Variants in IQCM observed in about 807,000 individuals in gnomAD.
IQCM encodes IQ domain-containing protein M.
In IQCM, 45 loss-of-function variants were observed where a neutral mutation model predicts 57.6. The observed-to-expected ratio is 0.78, with a 90% CI of 0.62 to 1.00. IQCM has a LOEUF of 1.00. Among genes scored for constraint, IQCM ranks in the 50% least tolerant of loss-of-function variants. IQCM has a pLI of 0.00. For synonymous variants in IQCM, 148 were observed against 158.9 expected (o/e 0.93, Z 0.51); for missense variants, 468 against 511.6 (o/e 0.91, Z 0.82).
At chr4:149,657,998 C>T (rs1759789088) in intron 7 of IQCM, among the ~76,000 whole-genome samples, 1 of 151,712 alleles carries the variant, frequency 6.6e-6, no homozygotes, top group South Asian at 2.1e-4. Context: ...TTTTGTTTTG[C>T]TGTGGAAAAG....
chr4:149,423,962 C>T (rs188444123), intron 13 of IQCM, among the ~76,000 whole-genome samples: 1 of 151,838 alleles, frequency 6.6e-6, no homozygotes, highest in Non-Finnish European at 1.5e-5. Flanking sequence ...AACCCAGAGA[C>T]AGCAAATAAT....
intron 13 of IQCM, among the ~76,000 whole-genome samples, chr4:149,430,874 T>C (rs1224077310): frequency 6.6e-6 from 1 of 152,024 alleles, no homozygotes; most frequent in African/African-American, 2.4e-5. Flanking sequence ...AGAAGTGTAA[T>C]GCCTGGTTGT....
intron 9 of IQCM, among the ~76,000 whole-genome samples, chr4:149,586,443 A>G (rs1364091534): frequency 6.6e-6 from 1 of 151,590 alleles, no homozygotes; most frequent in Non-Finnish European, 1.5e-5. Flanking sequence ...AGGATATACA[A>G]TTATGCCCTC....
At chr4:149,383,463 C>A (rs1203536930) in intron 13 of IQCM, among the ~76,000 whole-genome samples, 3 of 152,070 alleles carry the variant, frequency 2.0e-5, no homozygotes, top group Non-Finnish European at 2.9e-5. Context: ...ATGCAATAAA[C>A]CACATTTAAC....
intron 7 of IQCM, among the ~76,000 whole-genome samples, chr4:149,670,275 G>A (rs542164639): frequency 2.6e-5 from 4 of 152,108 alleles, no homozygotes; most frequent in Non-Finnish European, 5.9e-5. Flanking sequence ...TTGGCTCTCT[G>A]TTTGTCTGTT....
intron 12 of IQCM, among the ~76,000 whole-genome samples, chr4:149,438,916 TACTTA>T (rs1388735420): frequency 2.6e-5 from 4 of 152,098 alleles, no homozygotes; most frequent in Admixed American, 1.3e-4. Flanking sequence ...ATACCAACAT[TACTTA>T]ACTTAAACAA....
At chr4:149,355,213 C>T (rs1175850893) in intron 13 of IQCM, among the ~76,000 whole-genome samples, 2 of 151,870 alleles carry the variant, frequency 1.3e-5, no homozygotes, top group Non-Finnish European at 2.9e-5. Flanking sequence ...CATAATATAT[C>T]TTTAATCTTT....
intron 13 of IQCM, among the ~76,000 whole-genome samples, chr4:149,356,453 T>G (rs574417222): frequency 2.0e-4 from 30 of 152,014 alleles, no homozygotes; most frequent in African/African-American, 6.3e-4. Context: ...AGTTTCAGCT[T>G]TCTACATATG....
intron 8 of IQCM, among the ~76,000 whole-genome samples, chr4:149,616,839 A>T (rs1327375249): frequency 2.0e-5 from 3 of 152,110 alleles, no homozygotes; most frequent in African/African-American, 4.8e-5. Flanking sequence ...CCACCATGGC[A>T]TACATATACC....
intron 11 of IQCM, among the ~76,000 whole-genome samples, chr4:149,551,530 A>G (rs1259232112): frequency 6.6e-6 from 1 of 152,176 alleles, no homozygotes; most frequent in Non-Finnish European, 1.5e-5. Flanking sequence ...TGAAGAGAAG[A>G]CTAATTGAGT....
At chr4:149,502,401 G>A (rs374571573) in intron 12 of IQCM, among the ~76,000 whole-genome samples, 37 of 152,236 alleles carry the variant, frequency 2.4e-4, no homozygotes, top group Non-Finnish European at 4.7e-4. Context: ...GCCTTTAAAG[G>A]CTCATGATTT....
At chr4:149,794,828 G>A (rs1772970373) in intron 2 of IQCM, among the ~76,000 whole-genome samples, 1 of 151,966 alleles carries the variant, frequency 6.6e-6, no homozygotes, top group South Asian at 2.1e-4. Flanking sequence ...TTGTTCTTTG[G>A]TAAATAATAT....
In IQCM at chr4:149,394,597, C is replaced by T. The variant is rs138100543; in HGVS notation, c.1390+38799G>A. Among the ~76,000 whole-genome samples, 306 of 151,978 alleles carry T rather than the reference C, an allele frequency of 2.0e-3. 2 individuals are homozygous for T. Among genetic ancestry groups the T allele is most frequent in the Middle Eastern group, 0.014 (4 of 294 alleles). On this transcript the variant is annotated intron_variant, in intron 13 of 13. Coordinates refer to ENST00000636793, the MANE Select transcript of IQCM (RefSeq NM_001363507.2). ...TCTCTTCTGATATAACCAGATGTCT[C>T]GATTTCCCTGGGGGTGAGGATCAGT...
At chr4:149,459,412 C>A (rs1738037754) in intron 12 of IQCM, among the ~76,000 whole-genome samples, 2 of 152,158 alleles carry the variant, frequency 1.3e-5, no homozygotes. Flanking sequence ...CACCCCTTTT[C>A]CCCAACTTTC....
At position 149,742,655 on chromosome 4, in the gene IQCM, A is replaced by G. The variant is rs1385273293; in HGVS notation, c.37T>C (p.Cys13Arg). The G allele has an allele frequency of 1.6e-5, 20 of 1,230,860 alleles. No homozygotes were observed. The highest frequency in any genetic ancestry group is 2.0e-5 in the Non-Finnish European group (20 of 986,912). The allele number at this position is 1,230,860 out of a possible 1,614,324, so 76.2% of individuals were successfully genotyped here. Residue 13 changes from cysteine (C) to arginine (R), a missense_variant and splice_region_variant, in exon 3 of 14, where the codon TGT (cysteine) becomes CGT (arginine). By Grantham distance (180) the Cys-to-Arg change is radical (BLOSUM62 -3). Coordinates refer to ENST00000636793, the MANE Select transcript of IQCM (RefSeq NM_001363507.2). ...TEEAMPEKAKCPTLEITKQDF... is the reference protein window; with the variant it reads ...TEEAMPEKAKRPTLEITKQDF... Reference sequence around the variant, plus strand: ...ATGTTAGGTAAGCACAGATACTCACATTTTGCTTTTTCAGGCATAGCCTCT... The same window carrying G: ...ATGTTAGGTAAGCACAGATACTCACGTTTTGCTTTTTCAGGCATAGCCTCT...
At chr4:149,498,836 C>G (rs1338260035) in intron 12 of IQCM, among the ~76,000 whole-genome samples, 4 of 152,028 alleles carry the variant, frequency 2.6e-5, no homozygotes, top group African/African-American at 9.7e-5. Context: ...CTAGCCAAAG[C>G]CCACCGGTTT....
intron 13 of IQCM, among the ~76,000 whole-genome samples, chr4:149,368,125 C>T (rs924759718): frequency 6.6e-6 from 1 of 151,870 alleles, no homozygotes; most frequent in African/African-American, 2.4e-5. Flanking sequence ...AAAACAAAGT[C>T]ATTTGTCTTC....
chr4:149,676,051 T>A (rs1761724867), intron 7 of IQCM, among the ~76,000 whole-genome samples: 1 of 152,074 alleles, frequency 6.6e-6, no homozygotes, highest in African/African-American at 2.4e-5. Flanking sequence ...CAAAAGAGTT[T>A]CTGTTTCTGC....
intron 13 of IQCM, among the ~76,000 whole-genome samples, chr4:149,354,250 G>A (rs1728772772): frequency 6.8e-6 from 1 of 146,170 alleles, no homozygotes; most frequent in Non-Finnish European, 1.5e-5. Flanking sequence ...TGTAGTCCCA[G>A]CTACTTGGGA....
Sources: gnomAD v4.1 joint callset for allele counts (sites outside exome capture counted in the v4.1 genomes callset) on GRCh38, gnomAD v4.1.1 for gene constraint, MANE v1.5 for transcripts, NCBI Gene and HGNC (gene_info 2026-07-23, HGNC 2026-07-21) for gene names.